Variants in SPON2 observed in about 807,000 individuals in gnomAD.
The protein encoded by SPON2 is spondin 2.
Under a neutral mutation model 29.9 loss-of-function variants are expected in SPON2, and 32 were observed. The ratio of observed to expected loss-of-function variants is 1.07; its 90% confidence interval spans 0.81 to 1.44. The LOEUF (loss-of-function observed/expected upper bound fraction) is 1.44. SPON2 is among the 40% of genes most tolerant of loss of function. SPON2 has a pLI of 0.00. For missense variants in SPON2, 541 were observed against 455.5 expected (o/e 1.19, Z -1.71); for synonymous variants, 248 against 209.1 (o/e 1.19, Z -1.61).
chr4:1,170,137 GTC>G, intron 5 of SPON2: 1 of 426,310 alleles, frequency 2.3e-6, no homozygotes, highest in Non-Finnish European at 4.2e-6. Flanking sequence ...ACAGGACAGA[GTC>G]TCTCAGGTAC....
chr4:1,188,223 A>AAAAAG (rs1727842426), intron 1 of SPON2, among the ~76,000 whole-genome samples: 2 of 143,668 alleles, frequency 1.4e-5, no homozygotes, highest in Admixed American at 7.2e-5. Flanking sequence ...AAAAAAAAAA[A>AAAAAG]AAAGAAATGA....
chr4:1,203,740 C>T (rs1408505330), intron 1 of SPON2, among the ~76,000 whole-genome samples: 1 of 152,066 alleles, frequency 6.6e-6, no homozygotes, highest in Non-Finnish European at 1.5e-5. Context: ...TCCAGCCATC[C>T]CAGTGGGTGT....
intron 1 of SPON2, among the ~76,000 whole-genome samples, chr4:1,184,936 C>CA (rs71168814): frequency 0.62 from 78,186 of 125,838 alleles, 24,201 homozygotes; most frequent in Admixed American, 0.72. Context: ...GACTCTGTCT[C>CA]AAAAAAAAAA....
intron 1 of SPON2, among the ~76,000 whole-genome samples, chr4:1,182,335 G>A (rs186049553): frequency 2.6e-5 from 4 of 152,224 alleles, no homozygotes; most frequent in East Asian, 3.8e-4. Flanking sequence ...TAAAGGAAGT[G>A]TCAAGAAAGT....
At position 1,167,089 on chromosome 4, in the gene SPON2, G is replaced by A. The variant is rs1283548530; in HGVS notation, c.*383C>T. The A allele has an allele frequency of 5.3e-6, 1 of 190,258 alleles. No homozygotes were observed. The highest frequency in any genetic ancestry group is 6.0e-5 in the Admixed American group (1 of 16,682). The allele number at this position is 190,258 out of a possible 1,614,324, so 11.8% of individuals were successfully genotyped here. ...GGCTCAGCACAGCCTAGAGCACCAGGTCTGAGGTATCTGCAACCACGTGGG... is the reference window on the plus strand; with the variant it reads ...GGCTCAGCACAGCCTAGAGCACCAGATCTGAGGTATCTGCAACCACGTGGG... On this transcript the variant is annotated 3_prime_UTR_variant, in exon 6 of 6. Coordinates refer to ENST00000290902, the MANE Select transcript of SPON2 (RefSeq NM_012445.4).
chr4:1,179,159 C>G (rs1727660923), intron 2 of SPON2, among the ~76,000 whole-genome samples: 1 of 151,418 alleles, frequency 6.6e-6, no homozygotes. Context: ...TTAGCTGACG[C>G]TGAGTGGGGA....
Position 1,171,245 on chromosome 4 carries a change from G to C in SPON2, c.444+18C>G, listed in dbSNP as rs1303535572. 1 of 1,430,586 alleles carries C rather than the reference G, an allele frequency of 7.0e-7. No individual in the cohort carries two copies. The highest frequency in any genetic ancestry group is 2.9e-5 in the East Asian group (1 of 34,878). 88.6% of individuals were successfully genotyped at this position (1,430,586 alleles called of 1,614,324 possible). A position where few individuals can be genotyped will look rare whatever the true frequency, so the allele number is the denominator to read the frequency against. On this transcript the variant is annotated intron_variant, in intron 3 of 5. Coordinates refer to ENST00000290902, the MANE Select transcript of SPON2 (RefSeq NM_012445.4). Reference sequence around the variant, plus strand: ...CCCCGGCCCCCCGGACCCCGCCCCCGGCCGGCCCCGCGCTCACCAGCGAGT... The same window carrying C: ...CCCCGGCCCCCCGGACCCCGCCCCCCGCCGGCCCCGCGCTCACCAGCGAGT...
chr4:1,174,501 A>C (rs1350936423), upstream of SPON2, among the ~76,000 whole-genome samples: 11 of 149,474 alleles, frequency 7.4e-5, no homozygotes, highest in Non-Finnish European at 1.0e-4. Context: ...AAAAAAAAAA[A>C]ACAAAAAAAC....
intron 1 of SPON2, among the ~76,000 whole-genome samples, chr4:1,205,566 GCC>G (rs1434032758): frequency 7.4e-6 from 1 of 135,806 alleles, no homozygotes; most frequent in African/African-American, 2.7e-5. Flanking sequence ...GTCCCCAGAG[GCC>G]CCATCGGAGC....
At chr4:1,171,217 T>TGGCCCC in intron 3 of SPON2, 27 bp from the exon 4 acceptor site, 2 of 1,458,560 alleles carry the variant, frequency 1.4e-6, no homozygotes, top group Non-Finnish European at 1.8e-6. Context: ...TCAGCGCGCC[T>TGGCCCC]GGCCCCGGCC....
At chr4:1,179,503 C>T (rs1317813919) in exon 2 of SPON2, 1 of 152,120 alleles carries the variant, frequency 6.6e-6, no homozygotes, top group South Asian at 2.1e-4. Flanking sequence ...AGCATAAGGA[C>T]CTCTGAGAAT....
At chr4:1,177,699 G>C (rs960062895), upstream of SPON2, among the ~76,000 whole-genome samples, 5 of 152,150 alleles carry the variant, frequency 3.3e-5, no homozygotes, top group Admixed American at 6.5e-5. Flanking sequence ...TTCTGGCATG[G>C]GGGCCCTCAG....
intron 1 of SPON2, chr4:1,200,630 C>T (rs964962746): frequency 3.4e-5 from 12 of 356,688 alleles, no homozygotes; most frequent in Admixed American, 1.8e-4. Flanking sequence ...CCATCAGCAC[C>T]GGCCCCATCT....
At chr4:1,198,890 GC>G (rs1377692428), upstream of SPON2, 1 of 151,944 alleles carries the variant, frequency 6.6e-6, no homozygotes, top group Non-Finnish European at 1.5e-5. Flanking sequence ...CACAATAGTG[GC>G]CAAGATCGTT....
At chr4:1,193,236 G>A (rs981393134) in intron 1 of SPON2, among the ~76,000 whole-genome samples, 3 of 152,310 alleles carry the variant, frequency 2.0e-5, no homozygotes, top group Admixed American at 6.5e-5. Flanking sequence ...AGAGAAAGTG[G>A]ATGTCACTGC....
intron 1 of SPON2, chr4:1,201,013 C>G: frequency 2.2e-6 from 1 of 456,646 alleles, no homozygotes; most frequent in Non-Finnish European, 4.4e-6. Flanking sequence ...TGGACTGTTC[C>G]CACCATACCT....
upstream of SPON2, among the ~76,000 whole-genome samples, chr4:1,175,386 G>A (rs936676140): frequency 6.6e-6 from 1 of 152,228 alleles, no homozygotes; most frequent in African/African-American, 2.4e-5. Context: ...AACAGCCCAG[G>A]GGCAGCAGGA....
intron 1 of SPON2, among the ~76,000 whole-genome samples, chr4:1,190,437 A>T (rs1366300334): frequency 6.6e-6 from 1 of 152,242 alleles, no homozygotes; most frequent in East Asian, 1.9e-4. Flanking sequence ...TCACTCATTC[A>T]GAGGCCAGTA....
At chr4:1,206,017 TG>T (rs1389777007) in intron 1 of SPON2, among the ~76,000 whole-genome samples, 1 of 151,414 alleles carries the variant, frequency 6.6e-6, no homozygotes, top group Non-Finnish European at 1.5e-5. Context: ...AGTGGGGGGT[TG>T]GGGGCGGAGC....
Sources: allele counts gnomAD v4.1 joint callset (sites outside exome capture counted in the v4.1 genomes callset), GRCh38; gene constraint gnomAD v4.1.1; transcripts MANE v1.5; gene names NCBI Gene and HGNC (gene_info 2026-07-23, HGNC 2026-07-21).